HACL1: variants seen among roughly 807,000 people sequenced by gnomAD.
HACL1 encodes the protein 1600020H07Rik.
A neutral mutation model predicts 74.2 loss-of-function variants in HACL1; 64 were observed. The observed-to-expected ratio is 0.86, with a 90% CI of 0.70 to 1.06. The LOEUF (loss-of-function observed/expected upper bound fraction) is 1.06. Among genes scored for constraint, HACL1 ranks in the 50% least tolerant of loss-of-function variants. HACL1 has a pLI of 0.00. For missense variants in HACL1, 728 were observed against 719.7 expected, an observed-to-expected ratio of 1.01 and a Z score of -0.13; for synonymous variants, 230 against 238.8, an observed-to-expected ratio of 0.96 and a Z score of 0.34.
At chr3:15,566,508 T>A (rs1183791324) in intron 14 of HACL1, among the ~76,000 whole-genome samples, 2 of 152,062 alleles carry the variant, frequency 1.3e-5, no homozygotes, top group Non-Finnish European at 2.9e-5. Context: ...TACAAAAAAT[T>A]AGCTGGGCAT....
chr3:15,579,934 T>C lies in HACL1; in HGVS notation c.779A>G (p.Tyr260Cys), dbSNP rs898604381. The change falls in exon 9 of 17, where the codon TAC becomes TGC. Residue 260 changes from tyrosine (Y) to cysteine (C), a missense_variant. Transcript: ENST00000321169. ...CCTGGATCTGGCTGCACCTACACAG[T>C]ATGGATGGTTGTCAGGGACAACACC... is the stretch of plus-strand genomic sequence containing the variant. ...GKGVVPDNHP[Y>C]CVGAARSRAL... is the part of the protein sequence containing the mutation. 21 of 1,611,886 alleles carry C rather than the reference T, an allele frequency of 1.3e-5. No individual in the cohort carries two copies. The Admixed American group carries it at 2.5e-4, about 19-fold the overall frequency.
Position 15,578,903 on chromosome 3 carries a change from G to C in HACL1, c.803+1007C>G, listed in dbSNP as rs547612925. 6.6e-5 allele frequency among the ~76,000 whole-genome samples: 10 copies of C among 152,306 alleles called. No individual in the cohort carries two copies. The South Asian group carries it at 1.9e-3, about 28-fold the overall frequency. ...AAGGGGCAACTGAGAATGGGAGAGT[G>C]GGGGTGTGGAGCCTACAGAGGAGAG... On this transcript the variant is annotated intron_variant, in intron 9 of 16. Transcript: ENST00000321169.
chr3:15,591,812 A>T, intron 3 of HACL1, 132 bp from the exon 4 acceptor site: 1 of 562,326 alleles, frequency 1.8e-6, no homozygotes, highest in Non-Finnish European at 3.2e-6. Context: ...TGATAAAACA[A>T]TTATTAGAAT....
chr3:15,593,201 G>GTA (rs982786291), intron 3 of HACL1, among the ~76,000 whole-genome samples: 34 of 144,828 alleles, frequency 2.3e-4, no homozygotes, highest in African/African-American at 4.3e-4. Flanking sequence ...ATATATGTGC[G>GTA]TGTGTGTATA....
intron 9 of HACL1, among the ~76,000 whole-genome samples, chr3:15,576,986 G>A (rs2063637840): frequency 2.0e-5 from 3 of 152,048 alleles, no homozygotes; most frequent in Admixed American, 6.5e-5. Flanking sequence ...ATAGTCCCTT[G>A]TAACCTTTTT....
At chr3:15,575,639 T>G (rs2063611830) in intron 9 of HACL1, among the ~76,000 whole-genome samples, 1 of 152,160 alleles carries the variant, frequency 6.6e-6, no homozygotes, top group Non-Finnish European at 1.5e-5. Context: ...CCTCTCAGGC[T>G]TAAGCAACCC....
intron 8 of HACL1, among the ~76,000 whole-genome samples, chr3:15,581,890 T>A (rs1161214595): frequency 6.6e-6 from 1 of 152,220 alleles, no homozygotes. Flanking sequence ...GAATGAAAAC[T>A]AGCATCCACT....
chr3:15,569,440 C>T (rs766060971), intron 12 of HACL1, among the ~76,000 whole-genome samples: 1 of 152,036 alleles, frequency 6.6e-6, no homozygotes, highest in East Asian at 1.9e-4. Context: ...AATCCCAGCA[C>T]TTTGGGAGGC....
chr3:15,567,292 C>G (rs111985466), intron 14 of HACL1, among the ~76,000 whole-genome samples: 5,387 of 147,542 alleles, frequency 0.037, 170 homozygotes, highest in Non-Finnish European at 0.052. Flanking sequence ...CTCACTGCAA[C>G]CTCCACTTCC....
intron 7 of HACL1, among the ~76,000 whole-genome samples, chr3:15,583,288 C>T (rs115162268): frequency 1.1e-4 from 16 of 152,288 alleles, no homozygotes; most frequent in African/African-American, 2.9e-4. Context: ...ACATCATTAT[C>T]ACATCTAGTA....
intron 16 of HACL1, 57 bp downstream of exon 16, chr3:15,563,301 G>A: frequency 3.5e-6 from 4 of 1,158,392 alleles, no homozygotes; most frequent in South Asian, 2.6e-5. Context: ...ATACTTTTTG[G>A]AGGGGGATAG....
In HACL1 at chr3:15,560,856, C is replaced by A. The variant is rs765561319; in HGVS notation, c.*9G>T. 4 of 1,590,674 alleles carry A rather than the reference C, an allele frequency of 2.5e-6. No homozygotes were observed. Among genetic ancestry groups the A allele is most frequent in the Admixed American group, 3.4e-5 (2 of 58,056 alleles). ...GAGAAAACTCAAGACCACCAACTGG[C>A]GTCTTTATTTACATATTAGAGCGGG... On this transcript the variant is annotated 3_prime_UTR_variant, in exon 17 of 17. Transcript: ENST00000321169.
chr3:15,562,732 C>A (rs1368324101), intron 16 of HACL1, among the ~76,000 whole-genome samples: 1 of 152,158 alleles, frequency 6.6e-6, no homozygotes, highest in Admixed American at 6.6e-5. Context: ...ATGCTATGAA[C>A]TTTGTCATTT....
In HACL1 at chr3:15,571,653, T is replaced by C. The variant is rs777669942; in HGVS notation, c.1095+15A>G. ...AGCCTGACCTGTTATTGAGCGTCAG[T>C]AGGTCCGATTTTACCTTGGATGCAG... On this transcript the variant is annotated intron_variant, in intron 12 of 16. Coordinates refer to ENST00000321169, the MANE Select transcript of HACL1 (RefSeq NM_012260.4). 3.8e-6 allele frequency: 4 copies of C among 1,043,790 alleles called. No individual in the cohort carries two copies. In the East Asian group the frequency reaches 9.4e-5, roughly 25 times the overall value. 64.7% of individuals were successfully genotyped at this position (1,043,790 alleles called of 1,614,324 possible).
At chr3:15,579,883 G>A (rs748242215) in intron 9 of HACL1, 27 bp downstream of exon 9, 2 of 1,495,776 alleles carry the variant, frequency 1.3e-6, no homozygotes, top group South Asian at 2.5e-5. Flanking sequence ...CCAAGCCATT[G>A]TATTTAAAAT....
In HACL1 at chr3:15,596,419, A is replaced by G. The variant is rs756118578; in HGVS notation, c.192T>C (p.Cys64=). ...YIGMRNEQAA[C]YAASAIGYLT... is the part of the protein sequence containing the mutation. The stretch of plus-strand genomic sequence containing the variant: ...GATATCCAATCGCGGAGGCAGCATA[A>G]CAAGCCTACGAGAAAACAACACTGG... Residue 64 remains cysteine (C), a synonymous_variant, in exon 3 of 17, where the codon TGT becomes TGC. Transcript: ENST00000321169. 1 of 1,598,100 alleles carries G rather than the reference A, an allele frequency of 6.3e-7. No homozygotes were observed. Among genetic ancestry groups the G allele is most frequent in the Admixed American group, 1.7e-5 (1 of 60,000 alleles).
At chr3:15,599,751 A>G (rs187627764) in intron 2 of HACL1, among the ~76,000 whole-genome samples, 3 of 152,338 alleles carry the variant, frequency 2.0e-5, no homozygotes, top group Admixed American at 2.0e-4. Context: ...CTCACCTTCC[A>G]GGACTGATCA....
In HACL1 at chr3:15,567,367, G is replaced by A. The variant is rs1014852902; in HGVS notation, c.1409+477C>T. Among the ~76,000 whole-genome samples the A allele has an allele frequency of 6.0e-5, 9 of 151,016 alleles. No individual in the cohort carries two copies. The East Asian group carries it at 1.2e-3, about 19-fold the overall frequency. ...TGGGATTACAGGCATGCATCACTGC[G>A]TCTGGCTAATTTTTTTTTTTTTTTG... On this transcript the variant is annotated intron_variant, in intron 14 of 16. Transcript: ENST00000321169.
intron 14 of HACL1, among the ~76,000 whole-genome samples, 176 bp downstream of exon 14, chr3:15,567,668 G>A (rs559064970): frequency 9.2e-5 from 14 of 152,284 alleles, no homozygotes; most frequent in South Asian, 2.1e-4. Flanking sequence ...AGAAAGATAC[G>A]GTTCTGGAAG....
Sources: allele counts gnomAD v4.1 joint callset (sites outside exome capture counted in the v4.1 genomes callset), GRCh38; gene constraint gnomAD v4.1.1; transcripts MANE v1.5; gene names NCBI Gene and HGNC (gene_info 2026-07-23, HGNC 2026-07-21).